The following CCDC66 variants were observed in gnomAD, a reference collection of about 807,000 sequenced individuals.
The protein encoded by CCDC66 is coiled-coil domain-containing protein 66.
In CCDC66, 133 loss-of-function variants were observed where a neutral mutation model predicts 128.3. The ratio of observed to expected loss-of-function variants is 1.04; its 90% CI spans 0.90 to 1.20. The LOEUF (loss-of-function observed/expected upper bound fraction) is 1.20, where lower values mean the gene tolerates loss of function less well. CCDC66 is among the 50% of genes most tolerant of loss of function. The pLI, the probability that CCDC66 is intolerant of heterozygous loss-of-function variation, is 0.00. For synonymous variants in CCDC66, 387 were observed against 357.0 expected (o/e 1.08, Z -0.95); for missense variants, 1,126 against 1,075.5 (o/e 1.05, Z -0.66).
At chr3:56,618,402 G>A (rs1275066989) in intron 15 of CCDC66, 190 bp downstream of exon 15, 4 of 534,360 alleles carry the variant, frequency 7.5e-6, no homozygotes, top group Non-Finnish European at 1.3e-5. Flanking sequence ...GCCCAAGTTG[G>A]ACTGGGCCTA....
chr3:56,596,921 A>ATTT (rs34101943), intron 10 of CCDC66, among the ~76,000 whole-genome samples: 12 of 132,310 alleles, frequency 9.1e-5, no homozygotes, highest in African/African-American at 1.4e-4. Context: ...CACCTGGCTA[A>ATTT]TTTTTTTTTT....
rs564638326 is a variant in CCDC66, at chr3:56,585,527, T to C, written c.937-7443T>C. ...ATCAAGTTTCATAGAAAAAACTTTCTAGATCCAGAAGAAAATTAGGTTGAA... is the reference window on the plus strand; with the variant it reads ...ATCAAGTTTCATAGAAAAAACTTTCCAGATCCAGAAGAAAATTAGGTTGAA... On this transcript the variant is annotated intron_variant, in intron 7 of 17. Coordinates refer to ENST00000394672, the MANE Select transcript of CCDC66 (RefSeq NM_001141947.3). Among the ~76,000 whole-genome samples, 10 of 151,930 alleles carry C rather than the reference T, an allele frequency of 6.6e-5. 3 individuals carry two copies. In the East Asian group the frequency reaches 2.0e-3, roughly 30 times the overall value.
intron 10 of CCDC66, among the ~76,000 whole-genome samples, chr3:56,607,097 T>C (rs1442797868): frequency 6.6e-6 from 1 of 152,190 alleles, no homozygotes; most frequent in East Asian, 1.9e-4. Context: ...ATTTGTTCTT[T>C]TTGCTTAGTC....
intron 10 of CCDC66, among the ~76,000 whole-genome samples, chr3:56,602,075 T>C (rs529917029): frequency 6.6e-6 from 1 of 152,222 alleles, no homozygotes; most frequent in Admixed American, 6.5e-5. Flanking sequence ...TTCCAGTTTT[T>C]GCCCATTCAG....
At chr3:56,561,929 C>G (rs182418949) in intron 3 of CCDC66, among the ~76,000 whole-genome samples, 1 of 152,084 alleles carries the variant, frequency 6.6e-6, no homozygotes, top group Non-Finnish European at 1.5e-5. Flanking sequence ...ATTGTAATCT[C>G]CATAGTTTGT....
chr3:56,579,186 T>A (rs900713380), intron 7 of CCDC66, among the ~76,000 whole-genome samples: 7 of 152,036 alleles, frequency 4.6e-5, no homozygotes, highest in African/African-American at 1.7e-4. Flanking sequence ...TTTTCTAGTT[T>A]ATTTGTGTAG....
In CCDC66 at chr3:56,615,201, A is replaced by C. The variant is rs142612378; in HGVS notation, c.1640A>C (p.Lys547Thr). ...QRAQELAQRL[K>T]QEQRIRELAQ... The stretch of plus-strand genomic sequence containing the variant: ...GCACAGGAACTGGCACAGAGACTAA[A>C]ACAAGAACAAAGAATCCGAGAATTG... The change falls in exon 12 of 18, where the codon AAA (lysine) becomes ACA (threonine). Residue 547 changes from lysine (K) to threonine (T), a missense_variant. Physicochemically the swap from Lys to Thr is moderately conservative, Grantham distance 78. Coordinates refer to ENST00000394672, the MANE Select transcript of CCDC66 (RefSeq NM_001141947.3). 1.9e-6 allele frequency: 3 copies of C among 1,614,198 alleles called. No homozygotes were observed. Among genetic ancestry groups the C allele is most frequent in the Non-Finnish European group, 2.5e-6 (3 of 1,180,016 alleles).
In CCDC66 at chr3:56,593,009, C is replaced by A; in HGVS notation, c.976C>A (p.Gln326Lys). The A allele has an allele frequency of 8.1e-6, 13 of 1,610,610 alleles. No homozygotes were observed. The highest frequency in any genetic ancestry group is 1.1e-5 in the Non-Finnish European group (13 of 1,178,826). The stretch of plus-strand genomic sequence containing the variant: ...GGAGCACCCTTTCAGTGCTGTGAAA[C>A]AAGAACTGCAAAGAAAATGGATTGA... ...LLEHPFSAVK[Q>K]ELQRKWIEEL... The change falls in exon 8 of 18, where the codon CAA (glutamine) becomes AAA (lysine). Residue 326 changes from glutamine (Q) to lysine (K), a missense_variant. Coordinates refer to ENST00000394672, the MANE Select transcript of CCDC66 (RefSeq NM_001141947.3).
intron 3 of CCDC66, chr3:56,561,359 T>A: frequency 2.3e-6 from 1 of 430,556 alleles, no homozygotes; most frequent in Non-Finnish European, 4.6e-6. Flanking sequence ...ATAAACAGAA[T>A]TACTGGTCTT....
rs138252401 is a variant in CCDC66, at chr3:56,617,546, A to T, written c.2278A>T (p.Ile760Phe). 7.6e-5 allele frequency: 122 copies of T among 1,610,046 alleles called. No individual in the cohort carries two copies. In the African/African-American group the frequency reaches 1.5e-3, roughly 20 times the overall value. Residue 760 changes from isoleucine to phenylalanine, a missense_variant, in exon 14 of 18, where the codon ATT (isoleucine) becomes TTT (phenylalanine). Physicochemically the swap from Ile to Phe is conservative, Grantham distance 21. Coordinates refer to ENST00000394672, the MANE Select transcript of CCDC66 (RefSeq NM_001141947.3). ...LSQNRGISPE[I>F]FHSSHQETES... ...TCAAAACAGAGGCATTTCACCAGAA[A>T]TTTTTCATTCATCTCATCAAGAAAC...
rs6769055 is a variant in CCDC66, at chr3:56,563,926, C to T, written c.345C>T (p.Thr115=). The stretch of plus-strand genomic sequence containing the variant: ...TCCAGAAAGAGATTTCACCTGCAAC[C>T]CCTAATATGCAGAAGACTAGAAACA... ...LHIQKEISPA[T]PNMQKTRNTV... is the part of the protein sequence containing the mutation. Residue 115 remains threonine (T), a synonymous_variant, in exon 4 of 18, where the codon ACC becomes ACT. Coordinates refer to ENST00000394672, the MANE Select transcript of CCDC66 (RefSeq NM_001141947.3). The T allele has an allele frequency of 0.81, 1,311,143 of 1,613,298 alleles. 539,912 individuals are homozygous for T. Among genetic ancestry groups the T allele is most frequent in the Non-Finnish European group, 0.85 (1,008,422 of 1,179,520 alleles).
intron 10 of CCDC66, among the ~76,000 whole-genome samples, chr3:56,600,700 G>T (rs1188075820): frequency 6.6e-6 from 1 of 152,028 alleles, no homozygotes; most frequent in East Asian, 1.9e-4. Flanking sequence ...GTATCTCATT[G>T]TGGTTTTGAT....
intron 7 of CCDC66, among the ~76,000 whole-genome samples, chr3:56,592,330 CTCTT>C (rs2071055139): frequency 6.6e-6 from 1 of 152,132 alleles, no homozygotes; most frequent in African/African-American, 2.4e-5. Flanking sequence ...AAATTAATAA[CTCTT>C]TCAGCCTCTA....
At chr3:56,617,018 A>G in intron 13 of CCDC66, 94 bp from the exon 14 acceptor site, 1 of 1,007,214 alleles carries the variant, frequency 9.9e-7, no homozygotes, top group Non-Finnish European at 1.4e-6. Context: ...AAAAAGTCTT[A>G]GAGGGCAATA....
chr3:56,600,217 C>G (rs1156971488), intron 10 of CCDC66, among the ~76,000 whole-genome samples: 3 of 148,518 alleles, frequency 2.0e-5, no homozygotes, highest in African/African-American at 7.5e-5. Context: ...GGTGCAATCT[C>G]AGCTCACTGC....
chr3:56,600,476 A>C (rs533485893), intron 10 of CCDC66, among the ~76,000 whole-genome samples: 2 of 151,912 alleles, frequency 1.3e-5, no homozygotes, highest in African/African-American at 4.8e-5. Flanking sequence ...AATGATTTAT[A>C]ATCCCTTCGG....
chr3:56,619,093 C>G (rs929642970), intron 15 of CCDC66, 178 bp from the exon 16 acceptor site: 2 of 547,810 alleles, frequency 3.7e-6, no homozygotes, highest in African/African-American at 3.9e-5. Flanking sequence ...TGGCGTGCGC[C>G]TGTAATCCCA....
intron 7 of CCDC66, among the ~76,000 whole-genome samples, chr3:56,580,233 C>A (rs1477198499): frequency 6.6e-6 from 1 of 151,594 alleles, no homozygotes; most frequent in Non-Finnish European, 1.5e-5. Context: ...GATTGCAACC[C>A]CTGCTTTTTT....
At chr3:56,614,320 A>C (rs1195640570) in intron 11 of CCDC66, among the ~76,000 whole-genome samples, 1 of 152,158 alleles carries the variant, frequency 6.6e-6, no homozygotes, top group Non-Finnish European at 1.5e-5. Context: ...CTTCATTTTT[A>C]TCTACTCCTA....
Sources: allele counts gnomAD v4.1 joint callset (sites outside exome capture counted in the v4.1 genomes callset), GRCh38; gene constraint gnomAD v4.1.1; transcripts MANE v1.5; gene names NCBI Gene and HGNC (gene_info 2026-07-23, HGNC 2026-07-21).